Variants in SGCD observed in about 807,000 individuals in gnomAD.
SGCD encodes sarcoglycan delta, also known as delta-sarcoglycan.
Under a neutral mutation model 36.6 loss-of-function variants are expected in SGCD, and 18 were observed. That is an observed-to-expected ratio of 0.49 (90% CI 0.34 to 0.73). The LOEUF is 0.73. SGCD is among the 30% of genes least tolerant of loss of function. The probability of loss-of-function intolerance (pLI) is 0.01; values close to 1 mark genes in which losing one functional copy is unlikely to be tolerated. For synonymous variants in SGCD, 133 were observed against 130.6 expected, an observed-to-expected ratio of 1.02 and a Z score of -0.12; for missense variants, 387 against 346.7, an observed-to-expected ratio of 1.12 and a Z score of -0.92.
intron 7 of SGCD, among the ~76,000 whole-genome samples, chr5:156,689,308 G>T (rs1185445966): frequency 6.6e-6 from 1 of 152,164 alleles, no homozygotes; most frequent in African/African-American, 2.4e-5. Context: ...CTCTCCTTGG[G>T]CTTCTTTGGG....
intron 1 of SGCD, among the ~76,000 whole-genome samples, chr5:156,018,332 G>A (rs544958977): frequency 6.6e-6 from 1 of 152,140 alleles, no homozygotes; most frequent in African/African-American, 2.4e-5. Context: ...TTAAAATTAA[G>A]TTTTATAACT....
intron 4 of SGCD, among the ~76,000 whole-genome samples, chr5:156,569,240 A>G (rs543993660): frequency 4.1e-4 from 63 of 152,320 alleles, no homozygotes; most frequent in African/African-American, 1.4e-3. Context: ...ATGGGTAAAC[A>G]AAAGAAAGTC....
intron 3 of SGCD, among the ~76,000 whole-genome samples, chr5:156,456,661 G>A (rs1488682901): frequency 6.6e-6 from 1 of 152,220 alleles, no homozygotes; most frequent in Non-Finnish European, 1.5e-5. Flanking sequence ...CCAGAAGCTG[G>A]AAGAGCTGAG....
chr5:156,361,250 G>A (rs1368924545), intron 3 of SGCD, among the ~76,000 whole-genome samples: 1 of 152,182 alleles, frequency 6.6e-6, no homozygotes, highest in Admixed American at 6.5e-5. Flanking sequence ...CAATGAAGGG[G>A]CCAAGAAAAA....
chr5:156,749,995 A>G (rs1314771772), intron 7 of SGCD, among the ~76,000 whole-genome samples: 2 of 152,198 alleles, frequency 1.3e-5, no homozygotes, highest in African/African-American at 2.4e-5. Context: ...AGAAATATAT[A>G]GAAAAGATAA....
chr5:155,965,704 G>T (rs1180976391), intron 1 of SGCD, among the ~76,000 whole-genome samples: 8 of 152,070 alleles, frequency 5.3e-5, no homozygotes, highest in Admixed American at 3.3e-4. Context: ...ATGCAGTTGT[G>T]CAGGCTTGCA....
At chr5:155,967,838 C>T (rs1757933020) in intron 1 of SGCD, among the ~76,000 whole-genome samples, 1 of 152,078 alleles carries the variant, frequency 6.6e-6, no homozygotes, top group Non-Finnish European at 1.5e-5. Flanking sequence ...CCAGAAGCCA[C>T]AGAGACACCT....
intron 1 of SGCD, among the ~76,000 whole-genome samples, chr5:156,045,383 C>T (rs141010970): frequency 2.2e-4 from 33 of 152,134 alleles, no homozygotes; most frequent in South Asian, 1.2e-3. Context: ...TACACTTTTC[C>T]GTTCCAATAT....
At chr5:156,438,669 CTCTTT>C (rs1331303370) in intron 3 of SGCD, among the ~76,000 whole-genome samples, 1 of 152,132 alleles carries the variant, frequency 6.6e-6, no homozygotes, top group African/African-American at 2.4e-5. Context: ...ATTCTACCAA[CTCTTT>C]TCTTTTCTCC....
chr5:156,374,389 G>A (rs943717185), intron 3 of SGCD, among the ~76,000 whole-genome samples: 15 of 152,158 alleles, frequency 9.9e-5, no homozygotes, highest in Non-Finnish European at 1.6e-4. Context: ...AGTAATCTGT[G>A]GAGTCATTAC....
At chr5:156,374,755 A>G (rs1580892297) in intron 3 of SGCD, among the ~76,000 whole-genome samples, 2 of 142,462 alleles carry the variant, frequency 1.4e-5, no homozygotes, top group South Asian at 4.7e-4. Flanking sequence ...TCCGCCTCCC[A>G]GGTTCACGCC....
At chr5:156,536,995 G>T (rs139206115) in intron 4 of SGCD, among the ~76,000 whole-genome samples, 4 of 152,068 alleles carry the variant, frequency 2.6e-5, no homozygotes, top group African/African-American at 9.7e-5. Flanking sequence ...ACTTTGTGCC[G>T]CTGGGACTGA....
chr5:156,580,891 G>T (rs1760227011), intron 4 of SGCD, among the ~76,000 whole-genome samples: 1 of 152,172 alleles, frequency 6.6e-6, no homozygotes, highest in African/African-American at 2.4e-5. Context: ...ACCTTCTGAA[G>T]CCTACTTCTG....
At chr5:156,465,012 A>T (rs2127821527) in intron 3 of SGCD, among the ~76,000 whole-genome samples, 1 of 152,300 alleles carries the variant, frequency 6.6e-6, no homozygotes, top group East Asian at 1.9e-4. Context: ...TCTTAGAAGC[A>T]AATTTTCCAT....
intron 3 of SGCD, among the ~76,000 whole-genome samples, chr5:156,198,282 T>A (rs185674362): frequency 6.6e-6 from 1 of 152,066 alleles, no homozygotes; most frequent in East Asian, 1.9e-4. Flanking sequence ...AAGTAAAAAC[T>A]TGGCCTTGCA....
chr5:156,290,755 T>C (rs1247561127), intron 3 of SGCD, among the ~76,000 whole-genome samples: 2 of 152,150 alleles, frequency 1.3e-5, no homozygotes, highest in Middle Eastern at 3.2e-3. Context: ...CCCTCTCTTT[T>C]TAAAATAAGG....
chr5:156,371,676 A>C (rs1293436942), intron 3 of SGCD, among the ~76,000 whole-genome samples: 1 of 152,160 alleles, frequency 6.6e-6, no homozygotes, highest in Non-Finnish European at 1.5e-5. Context: ...TGACAAACTT[A>C]CTGTAGTTTC....
chr5:156,182,826 G>C (rs1763642263), intron 3 of SGCD, among the ~76,000 whole-genome samples: 1 of 152,152 alleles, frequency 6.6e-6, no homozygotes, highest in Admixed American at 6.5e-5. Flanking sequence ...TGAGGTGTTA[G>C]CAAATGTAAC....
intron 3 of SGCD, among the ~76,000 whole-genome samples, chr5:156,414,980 C>G (rs970335275): frequency 2.0e-5 from 3 of 152,106 alleles, no homozygotes; most frequent in African/African-American, 7.2e-5. Context: ...ATTATGCCCG[C>G]AGAGCAATTG....
Sources: gnomAD v4.1 joint callset for allele counts (sites outside exome capture counted in the v4.1 genomes callset) on GRCh38, gnomAD v4.1.1 for gene constraint, MANE v1.5 for transcripts, NCBI Gene and HGNC (gene_info 2026-07-23, HGNC 2026-07-21) for gene names.